Variants in GNAO1 observed in about 807,000 individuals in gnomAD.
GNAO1 encodes the protein guanine nucleotide-binding protein G(o) subunit alpha.
For synonymous variants in GNAO1, 164 were observed against 180.7 expected, an observed-to-expected ratio of 0.91 and a Z score of 0.74; for missense variants, 166 against 478.7, an observed-to-expected ratio of 0.35 and a Z score of 6.10.
At chr16:56,335,077 G>C (rs1374881168) in intron 5 of GNAO1, among the ~76,000 whole-genome samples, 1 of 152,218 alleles carries the variant, frequency 6.6e-6, no homozygotes, top group African/African-American at 2.4e-5. Context: ...TCCCAGAGTG[G>C]GGCTGTGAGG....
At chr16:56,228,936 A>G (rs2036560847) in intron 2 of GNAO1, among the ~76,000 whole-genome samples, 1 of 152,214 alleles carries the variant, frequency 6.6e-6, no homozygotes, top group Non-Finnish European at 1.5e-5. Flanking sequence ...TTTGTTAGTT[A>G]TCTTTACTCG....
chr16:56,347,856 C>T, intron 6 of GNAO1: 1 of 983,202 alleles, frequency 1.0e-6, no homozygotes, highest in Non-Finnish European at 1.2e-6. Context: ...CCCCTCCTGC[C>T]TCCTGGTCTT....
At chr16:56,246,053 CAG>C (rs2036741447) in intron 2 of GNAO1, among the ~76,000 whole-genome samples, 1 of 152,188 alleles carries the variant, frequency 6.6e-6, no homozygotes, top group African/African-American at 2.4e-5. Context: ...GAATCAGAGA[CAG>C]AAGTCAGGCC....
chr16:56,204,600 C>T (rs770800841), intron 2 of GNAO1, among the ~76,000 whole-genome samples: 20 of 152,168 alleles, frequency 1.3e-4, no homozygotes, highest in Non-Finnish European at 2.4e-4. Flanking sequence ...GAATGTGCTT[C>T]AGGAATTCTG....
chr16:56,267,766 G>A (rs187425776), intron 2 of GNAO1, among the ~76,000 whole-genome samples: 25 of 152,172 alleles, frequency 1.6e-4, no homozygotes, highest in African/African-American at 5.6e-4. Context: ...CAAGGGCAGG[G>A]ATTGTGTCTG....
intron 6 of GNAO1, among the ~76,000 whole-genome samples, chr16:56,341,261 A>G (rs549715277): frequency 6.6e-6 from 1 of 152,272 alleles, no homozygotes; most frequent in South Asian, 2.1e-4. Flanking sequence ...CTGTCTGCGC[A>G]CAGGGGCTCT....
chr16:56,199,544 G>A (rs2036263264), intron 2 of GNAO1, among the ~76,000 whole-genome samples: 1 of 152,206 alleles, frequency 6.6e-6, no homozygotes, highest in Non-Finnish European at 1.5e-5. Flanking sequence ...GAGATTTGCA[G>A]ACTAGTAAAA....
At chr16:56,293,840 C>G (rs1280303736) in intron 3 of GNAO1, among the ~76,000 whole-genome samples, 3 of 152,228 alleles carry the variant, frequency 2.0e-5, no homozygotes, top group East Asian at 3.9e-4. Flanking sequence ...ACCGGACTTG[C>G]TAGTGTGTGA....
At chr16:56,213,245 T>A (rs1567440479) in intron 2 of GNAO1, 2 of 398,498 alleles carry the variant, frequency 5.0e-6, no homozygotes, top group African/African-American at 2.1e-5. Context: ...ATTCTTTCTT[T>A]CTTCTTTTTT....
intron 3 of GNAO1, chr16:56,302,397 G>A (rs1192850934): frequency 3.9e-5 from 6 of 152,262 alleles, no homozygotes; most frequent in African/African-American, 1.4e-4. Flanking sequence ...GTATGATGAG[G>A]GAGCATAGAC....
At chr16:56,252,042 T>C (rs2036804551) in intron 2 of GNAO1, among the ~76,000 whole-genome samples, 3 of 152,162 alleles carry the variant, frequency 2.0e-5, no homozygotes, top group Admixed American at 2.0e-4. Flanking sequence ...AAGCAGAAAT[T>C]ATAGGAAGTA....
At chr16:56,353,246 A>C (rs1382019848) in intron 7 of GNAO1, 1 of 152,276 alleles carries the variant, frequency 6.6e-6, no homozygotes, top group African/African-American at 2.4e-5. Context: ...CCCTCAGGCC[A>C]GGGCTACCCT....
At chr16:56,196,860 A>G (rs1156706302) in intron 2 of GNAO1, among the ~76,000 whole-genome samples, 1 of 152,218 alleles carries the variant, frequency 6.6e-6, no homozygotes, top group Non-Finnish European at 1.5e-5. Context: ...GTCATTGCTC[A>G]TACAAATATT....
Position 56,347,643 on chromosome 16 carries a change from G to A in GNAO1, c.724-3741G>A, listed in dbSNP as rs2037884534. On this transcript the variant is annotated intron_variant, in intron 6 of 8. Transcript: ENST00000262493. ...GAGAGGGGCTCCCCCTGGAACAGAA[G>A]CTCTCATCCCCAGGCCCAGTGCACA... is the stretch of plus-strand genomic sequence containing the variant. The A allele has an allele frequency of 1.4e-5, 14 of 985,340 alleles. No homozygotes were observed. The South Asian group carries it at 6.1e-4, about 43-fold the overall frequency. 61.0% of individuals were successfully genotyped at this position (985,340 alleles called of 1,614,324 possible). A position where few individuals can be genotyped will look rare whatever the true frequency, so the allele number is the denominator to read the frequency against.
chr16:56,285,800 T>C (rs1342688334), intron 3 of GNAO1, among the ~76,000 whole-genome samples: 1 of 152,206 alleles, frequency 6.6e-6, no homozygotes, highest in African/African-American at 2.4e-5. Context: ...TGTGGTCCTG[T>C]AGTGGGACAC....
At chr16:56,217,101 A>G (rs566958278) in intron 2 of GNAO1, among the ~76,000 whole-genome samples, 7 of 152,338 alleles carry the variant, frequency 4.6e-5, no homozygotes, top group Non-Finnish European at 7.3e-5. Context: ...ATAATGCTTC[A>G]TGTCCTGGCT....
intron 4 of GNAO1, 22 bp from the exon 5 acceptor site, chr16:56,334,707 C>G: frequency 6.2e-7 from 1 of 1,613,546 alleles, no homozygotes; most frequent in Non-Finnish European, 8.5e-7. Flanking sequence ...GTCCATAGTC[C>G]CCTGTTTGTT....
chr16:56,194,538 C>T lies in GNAO1; in HGVS notation c.161+1922C>T, dbSNP rs953950216. On this transcript the variant is annotated intron_variant, in intron 2 of 8. Transcript: ENST00000262493. ...GTCGATGGGGCTCAGTTCGGCGACG[C>T]TCGGCTAGGTTCGGTGCGGTCTGGG... 4.7e-5 allele frequency: 14 copies of T among 294,826 alleles called. No individual in the cohort carries two copies. The East Asian group carries it at 6.6e-4, about 14-fold the overall frequency. The allele number at this position is 294,826 out of a possible 1,614,324, so 18.3% of individuals were successfully genotyped here.
chr16:56,262,213 G>A (rs993783333), intron 2 of GNAO1, among the ~76,000 whole-genome samples: 1 of 152,340 alleles, frequency 6.6e-6, no homozygotes, highest in African/African-American at 2.4e-5. Context: ...CAGAGCTCAG[G>A]CTCCCTCAGG....
Sources: allele counts gnomAD v4.1 joint callset (sites outside exome capture counted in the v4.1 genomes callset), GRCh38; gene constraint gnomAD v4.1.1; transcripts MANE v1.5; gene names NCBI Gene and HGNC (gene_info 2026-07-23, HGNC 2026-07-21).